The following THADA variants were observed in gnomAD, a reference collection of about 807,000 sequenced individuals.
THADA encodes the protein tRNA (32-2'-O)-methyltransferase regulator THADA.
In THADA, 213 loss-of-function variants were observed where a neutral mutation model predicts 219.8. That is an observed-to-expected ratio of 0.97 (90% CI 0.87 to 1.09). The LOEUF (loss-of-function observed/expected upper bound fraction) is 1.09, where lower values mean the gene tolerates loss of function less well. THADA is among the 50% of genes least tolerant of loss of function. THADA has a pLI of 0.00. For missense variants in THADA, 2,956 were observed against 2,311.3 expected, an observed-to-expected ratio of 1.28 and a Z score of -5.72; for synonymous variants, 1,018 against 828.9, an observed-to-expected ratio of 1.23 and a Z score of -3.92.
chr2:43,343,923 C>T (rs1209392288), intron 30 of THADA, 199 bp downstream of exon 30: 2 of 486,274 alleles, frequency 4.1e-6, no homozygotes, highest in Admixed American at 3.3e-5. Flanking sequence ...CCCTCAGTCA[C>T]TTAGCAGTTT....
intron 28 of THADA, among the ~76,000 whole-genome samples, chr2:43,422,855 G>A (rs1677893796): frequency 6.6e-6 from 1 of 152,130 alleles, no homozygotes. Flanking sequence ...AAGTAGCTGG[G>A]ACTACAGGCG....
At chr2:43,341,606 C>A (rs967446549) in intron 30 of THADA, among the ~76,000 whole-genome samples, 1 of 152,138 alleles carries the variant, frequency 6.6e-6, no homozygotes, top group Non-Finnish European at 1.5e-5. Context: ...TGACTTTCTA[C>A]GAGATGCATG....
At chr2:43,474,585 AATC>A (rs529945136) in intron 26 of THADA, among the ~76,000 whole-genome samples, 7 of 152,302 alleles carry the variant, frequency 4.6e-5, no homozygotes, top group South Asian at 2.1e-4. Context: ...AAAAATGTTG[AATC>A]ATCTAAACAG....
chr2:43,570,482 T>G lies in THADA; in HGVS notation c.2093A>C (p.Gln698Pro). ...ACTCTGCTCCAATTTATAAAGTACC[T>G]GAGAACTTTCCTGTATCCTACAAAA... ...KLFCRIQESSQVLYKLEQSKS... is the reference protein window; with the variant it reads ...KLFCRIQESSPVLYKLEQSKS... Residue 698 changes from glutamine (Q) to proline (P), a missense_variant, in exon 14 of 38, where the codon CAG (glutamine) becomes CCG (proline). Gln to Pro is a moderately conservative substitution (Grantham distance 76). Transcript: ENST00000405975. The G allele has an allele frequency of 3.7e-6, 6 of 1,612,416 alleles. No homozygotes were observed. The highest frequency in any genetic ancestry group is 5.1e-6 in the Non-Finnish European group (6 of 1,179,382).
chr2:43,403,337 G>A lies in THADA; in HGVS notation c.4059-5198C>T, dbSNP rs143876843. ...TTTGTAGACCGTGAAGCAGAACAAC[G>A]AAGATGATGCTGATAATAGCTAACA... On this transcript the variant is annotated intron_variant, in intron 28 of 37. Transcript: ENST00000405975. 3.1e-3 allele frequency among the ~76,000 whole-genome samples: 477 copies of A among 152,264 alleles called. 4 individuals are homozygous for A. Among genetic ancestry groups the A allele is most frequent in the African/African-American group, 0.011 (445 of 41,550 alleles).
At chr2:43,261,943 T>A (rs977464545) in intron 36 of THADA, among the ~76,000 whole-genome samples, 3 of 152,172 alleles carry the variant, frequency 2.0e-5, no homozygotes, top group African/African-American at 7.2e-5. Flanking sequence ...GGCAATTTTT[T>A]GTATTTTTAG....
chr2:43,233,959 A>T (rs1314933380), intron 36 of THADA, among the ~76,000 whole-genome samples: 1 of 152,122 alleles, frequency 6.6e-6, no homozygotes, highest in Non-Finnish European at 1.5e-5. Flanking sequence ...TTGAGCACAC[A>T]GACTTACCCT....
At chr2:43,463,753 C>G (rs1454316225) in intron 26 of THADA, among the ~76,000 whole-genome samples, 1 of 152,074 alleles carries the variant, frequency 6.6e-6, no homozygotes, top group Non-Finnish European at 1.5e-5. Context: ...AATTTTTATT[C>G]TTTTGAATTA....
intron 26 of THADA, among the ~76,000 whole-genome samples, chr2:43,470,126 T>A (rs1399146005): frequency 3.3e-5 from 5 of 150,574 alleles, no homozygotes; most frequent in Admixed American, 2.7e-4. Context: ...GAGAATTGCT[T>A]GAACCCAGGA....
intron 29 of THADA, among the ~76,000 whole-genome samples, chr2:43,380,282 G>A (rs1409499026): frequency 2.0e-5 from 3 of 152,182 alleles, no homozygotes; most frequent in East Asian, 1.9e-4. Context: ...ACTAGAAACC[G>A]TAAGACTAAA....
chr2:43,294,757 A>C (rs1017665189), intron 31 of THADA, among the ~76,000 whole-genome samples: 1 of 152,166 alleles, frequency 6.6e-6, no homozygotes, highest in Admixed American at 6.6e-5. Context: ...CGAGGGCCTT[A>C]AGTTCAGAAG....
intron 31 of THADA, among the ~76,000 whole-genome samples, chr2:43,297,420 C>T (rs1224813174): frequency 4.0e-5 from 4 of 100,394 alleles, no homozygotes; most frequent in East Asian, 4.7e-4. Flanking sequence ...CGTCTCCGCC[C>T]GGCAGCCACC....
chr2:43,488,436 G>C (rs112722481), intron 25 of THADA, among the ~76,000 whole-genome samples: 1 of 152,048 alleles, frequency 6.6e-6, no homozygotes, highest in African/African-American at 2.4e-5. Flanking sequence ...TGTAGTATGC[G>C]GCCTTTAATG....
intron 33 of THADA, 133 bp from the exon 34 acceptor site, chr2:43,291,901 G>A: frequency 2.4e-6 from 2 of 836,838 alleles, no homozygotes; most frequent in South Asian, 2.0e-5. Context: ...TTACAAAAAT[G>A]CCTCCGGAAG....
chr2:43,392,459 A>G (rs919818970), intron 29 of THADA, among the ~76,000 whole-genome samples: 2 of 152,136 alleles, frequency 1.3e-5, no homozygotes, highest in Admixed American at 1.3e-4. Context: ...AGAGTGAAGG[A>G]TGGTTGGTTC....
At chr2:43,276,451 C>T (rs1212820210) in intron 36 of THADA, among the ~76,000 whole-genome samples, 2 of 152,154 alleles carry the variant, frequency 1.3e-5, no homozygotes, top group African/African-American at 4.8e-5. Context: ...TTCTCCAGGC[C>T]TTCTAGAATC....
intron 10 of THADA, among the ~76,000 whole-genome samples, chr2:43,575,465 A>G (rs902421103): frequency 1.3e-5 from 2 of 152,210 alleles, no homozygotes; most frequent in African/African-American, 4.8e-5. Context: ...ATAATAGTCC[A>G]GGAAGGGACA....
intron 30 of THADA, among the ~76,000 whole-genome samples, chr2:43,340,373 G>T (rs113637756): frequency 6.6e-6 from 1 of 152,096 alleles, no homozygotes; most frequent in Admixed American, 6.5e-5. Context: ...TATTAATCTT[G>T]CAAAGTCAAA....
chr2:43,465,773 C>A (rs1250437654), intron 26 of THADA, among the ~76,000 whole-genome samples: 1 of 152,138 alleles, frequency 6.6e-6, no homozygotes, highest in Non-Finnish European at 1.5e-5. Context: ...CACTCCTATG[C>A]TCCAGACCCT....
Sources: allele counts gnomAD v4.1 joint callset (sites outside exome capture counted in the v4.1 genomes callset), GRCh38; gene constraint gnomAD v4.1.1; transcripts MANE v1.5; gene names NCBI Gene and HGNC (gene_info 2026-07-23, HGNC 2026-07-21).